Variants in PRRX1 observed in about 807,000 individuals in gnomAD.
PRRX1 encodes the protein paired mesoderm homeobox protein 1.
PRRX1 carries 8 observed loss-of-function variants against 24.0 expected under a neutral mutation model. The ratio of observed to expected loss-of-function variants is 0.33; its 90% CI spans 0.20 to 0.60. The LOEUF (loss-of-function observed/expected upper bound fraction) is 0.60, where lower values mean the gene tolerates loss of function less well. Among genes scored for constraint, PRRX1 ranks in the 20% least tolerant of loss-of-function variants. The probability of loss-of-function intolerance (pLI) is 0.82; values close to 1 mark genes in which losing one functional copy is unlikely to be tolerated. For synonymous variants in PRRX1, 160 were observed against 131.7 expected, an observed-to-expected ratio of 1.22 and a Z score of -1.47; for missense variants, 281 against 322.4, an observed-to-expected ratio of 0.87 and a Z score of 0.98.
intron 1 of PRRX1, among the ~76,000 whole-genome samples, chr1:170,665,916 C>A (rs759449003): frequency 2.6e-5 from 4 of 152,220 alleles, no homozygotes; most frequent in Non-Finnish European, 5.9e-5. Context: ...AGGTGGCCAA[C>A]TCTGAGGAAT....
At chr1:170,677,709 G>A (rs748405362) in intron 1 of PRRX1, among the ~76,000 whole-genome samples, 3 of 152,188 alleles carry the variant, frequency 2.0e-5, no homozygotes, top group Admixed American at 6.5e-5. Context: ...ATCTGGAAGA[G>A]CCAGGAGTTT....
chr1:170,664,549 A>G lies in PRRX1; in HGVS notation c.241+90A>G, dbSNP rs113383048. The stretch of plus-strand genomic sequence containing the variant: ...GCAGCTAGAGCCCGTCCGCGGCCAG[A>G]AAGACAAGGTCCTGGGACCAGGAGA... On this transcript the variant is annotated intron_variant, in intron 1 of 3. Coordinates refer to ENST00000239461, the MANE Select transcript of PRRX1 (RefSeq NM_022716.4). 2.6e-3 allele frequency: 3,826 copies of G among 1,497,474 alleles called. 82 individuals carry two copies. The African/African-American group carries it at 0.044, about 17-fold the overall frequency. The allele number at this position is 1,497,474 out of a possible 1,614,324, so 92.8% of individuals were successfully genotyped here. A position where few individuals can be genotyped will look rare whatever the true frequency, so the allele number is the denominator to read the frequency against.
chr1:170,684,255 C>T (rs1653655065), intron 1 of PRRX1, among the ~76,000 whole-genome samples: 1 of 152,160 alleles, frequency 6.6e-6, no homozygotes, highest in Admixed American at 6.5e-5. Flanking sequence ...TTCTCTATGC[C>T]TATTTCTCAG....
At chr1:170,701,736 A>C (rs1654366654) in intron 1 of PRRX1, among the ~76,000 whole-genome samples, 2 of 152,192 alleles carry the variant, frequency 1.3e-5, no homozygotes, top group African/African-American at 4.8e-5. Context: ...TAATTGACAC[A>C]TTGTAATTGT....
At chr1:170,717,674 C>T (rs1654950340) in intron 1 of PRRX1, among the ~76,000 whole-genome samples, 1 of 151,256 alleles carries the variant, frequency 6.6e-6, no homozygotes, top group Admixed American at 6.6e-5. Context: ...ATCACAAGGG[C>T]TTGTATTACT....
At chr1:170,720,011 C>T (rs983317829) in intron 2 of PRRX1, 110 bp downstream of exon 2, 2 of 1,393,840 alleles carry the variant, frequency 1.4e-6, no homozygotes, top group African/African-American at 1.4e-5. Flanking sequence ...CTCATGCCTG[C>T]AATCTCAGCA....
In PRRX1 at chr1:170,737,284, G is replaced by A. The variant is rs1473369174; in HGVS notation, c.*1098G>A. On this transcript the variant is annotated 3_prime_UTR_variant, in exon 4 of 4. Coordinates refer to ENST00000239461, the MANE Select transcript of PRRX1 (RefSeq NM_022716.4). ...CTATAGTGATGAAACATTAATTAGG[G>A]ATCTTGCTGCTTTTCTTTTTCTACA... is the stretch of plus-strand genomic sequence containing the variant. 5.4e-6 allele frequency: 1 copy of A among 184,738 alleles called. No homozygotes were observed. The highest frequency in any genetic ancestry group is 2.4e-5 in the African/African-American group (1 of 42,478). The allele number at this position is 184,738 out of a possible 1,614,324, so 11.4% of individuals were successfully genotyped here.
rs2101931681 is a variant in PRRX1 at position 170,738,341 on chromosome 1, G to A, written c.*2155G>A. 4 of 224,772 alleles carry A rather than the reference G, an allele frequency of 1.8e-5. No individual in the cohort carries two copies. The highest frequency in any genetic ancestry group is 6.7e-5 in the African/African-American group (3 of 45,018). 13.9% of individuals were successfully genotyped at this position (224,772 alleles called of 1,614,324 possible). A position where few individuals can be genotyped will look rare whatever the true frequency, so the allele number is the denominator to read the frequency against. On this transcript the variant is annotated 3_prime_UTR_variant, in exon 4 of 4. Coordinates refer to ENST00000239461, the MANE Select transcript of PRRX1 (RefSeq NM_022716.4). ...ACCAATCTGAAATTGTATTTCAAAT[G>A]TTGATTCTGTAGTTCTTTAAATAAT... is the stretch of plus-strand genomic sequence containing the variant.
intron 2 of PRRX1, among the ~76,000 whole-genome samples, chr1:170,722,457 T>C (rs1221827396): frequency 6.6e-6 from 1 of 152,212 alleles, no homozygotes; most frequent in African/African-American, 2.4e-5. Context: ...AATAAGATAC[T>C]GACCCTCTCC....
At chr1:170,717,016 C>T (rs1171233900) in intron 1 of PRRX1, among the ~76,000 whole-genome samples, 1 of 152,222 alleles carries the variant, frequency 6.6e-6, no homozygotes, top group African/African-American at 2.4e-5. Flanking sequence ...GCTGCTCGAG[C>T]TGTCTCTGTT....
chr1:170,668,290 C>G (rs1286582600), intron 1 of PRRX1: 6 of 152,204 alleles, frequency 3.9e-5, no homozygotes, highest in Admixed American at 3.9e-4. Flanking sequence ...ATCCCGCTGT[C>G]ATTTCTTAAT....
Position 170,719,873 on chromosome 1 carries a change from G to T in PRRX1, c.389G>T (p.Arg130Leu). ...DAFVREDLARRVNLTEARVQV... is the reference protein window; with the variant it reads ...DAFVREDLARLVNLTEARVQV... Reference sequence around the variant, plus strand: ...TTTGTGCGAGAAGACCTTGCCCGCCGGGTGAACCTCACCGAGGCGAGAGTG... The same window carrying T: ...TTTGTGCGAGAAGACCTTGCCCGCCTGGTGAACCTCACCGAGGCGAGAGTG... The change falls in exon 2 of 4, where the codon CGG (arginine) becomes CTG (leucine). Residue 130 changes from arginine to leucine, a missense_variant. By Grantham distance (102) the Arg-to-Leu change is moderately radical. Coordinates refer to ENST00000239461, the MANE Select transcript of PRRX1 (RefSeq NM_022716.4). 1 of 1,614,092 alleles carries T rather than the reference G, an allele frequency of 6.2e-7. No individual in the cohort carries two copies. Among genetic ancestry groups the T allele is most frequent in the Non-Finnish European group, 8.5e-7 (1 of 1,180,010 alleles).
At chr1:170,695,245 G>A (rs1466968363) in intron 1 of PRRX1, among the ~76,000 whole-genome samples, 1 of 152,134 alleles carries the variant, frequency 6.6e-6, no homozygotes, top group African/African-American at 2.4e-5. Flanking sequence ...ATTTGCACAA[G>A]ATCAGCCAGC....
intron 2 of PRRX1, among the ~76,000 whole-genome samples, chr1:170,725,281 A>G (rs1040206368): frequency 6.6e-6 from 1 of 152,162 alleles, no homozygotes; most frequent in African/African-American, 2.4e-5. Context: ...CGTATCCCAG[A>G]ACTTATAAAA....
At chr1:170,679,427 T>C (rs1321555312) in intron 1 of PRRX1, among the ~76,000 whole-genome samples, 1 of 152,172 alleles carries the variant, frequency 6.6e-6, no homozygotes, top group Admixed American at 6.5e-5. Context: ...TGAGACGGAG[T>C]CTGGCTCTGT....
intron 1 of PRRX1, among the ~76,000 whole-genome samples, chr1:170,689,212 T>C (rs1198930347): frequency 1.3e-5 from 2 of 152,136 alleles, no homozygotes; most frequent in Non-Finnish European, 2.9e-5. Flanking sequence ...TTACTCTCTA[T>C]AAGCAAAAGA....
intron 1 of PRRX1, among the ~76,000 whole-genome samples, chr1:170,684,985 G>C (rs1040195796): frequency 6.6e-6 from 1 of 152,160 alleles, no homozygotes; most frequent in African/African-American, 2.4e-5. Flanking sequence ...TACTTGAAAA[G>C]AAAAACTAGA....
chr1:170,709,902 A>G (rs956732852), intron 1 of PRRX1, among the ~76,000 whole-genome samples: 2 of 152,266 alleles, frequency 1.3e-5, no homozygotes, highest in Non-Finnish European at 2.9e-5. Context: ...AGGATGGCAG[A>G]GAAATGAAGT....
chr1:170,723,189 G>A (rs1304177896), intron 2 of PRRX1, among the ~76,000 whole-genome samples: 1 of 152,216 alleles, frequency 6.6e-6, no homozygotes, highest in Non-Finnish European at 1.5e-5. Context: ...AGCCAGGAGT[G>A]TGGGAAGCCA....
Sources: allele counts gnomAD v4.1 joint callset (sites outside exome capture counted in the v4.1 genomes callset), GRCh38; gene constraint gnomAD v4.1.1; transcripts MANE v1.5; gene names NCBI Gene and HGNC (gene_info 2026-07-23, HGNC 2026-07-21).